CES3: variants seen among roughly 807,000 people sequenced by gnomAD.
The protein encoded by CES3 is carboxylesterase 3 (brain).
Under a neutral mutation model 57.6 loss-of-function variants are expected in CES3, and 49 were observed. The observed-to-expected ratio is 0.85, with a 90% CI of 0.68 to 1.08. CES3 has a LOEUF of 1.08. CES3 is among the 50% of genes least tolerant of loss of function. The pLI is 0.00. For synonymous variants in CES3, 266 were observed against 281.6 expected (o/e 0.94, Z 0.55); for missense variants, 645 against 742.0 (o/e 0.87, Z 1.52).
intron 9 of CES3, among the ~76,000 whole-genome samples, chr16:66,969,996 C>A (rs1043203759): frequency 6.6e-6 from 1 of 152,108 alleles, no homozygotes; most frequent in Non-Finnish European, 1.5e-5. Context: ...TGAAACTGCC[C>A]GTTAATGAGC....
rs1178794987 is a variant in CES3 at position 66,963,357 on chromosome 16, G to A, written c.261G>A (p.Val87=). The A allele has an allele frequency of 6.2e-7, 1 of 1,613,132 alleles. No homozygotes were observed. The highest frequency in any genetic ancestry group is 8.5e-7 in the Non-Finnish European group (1 of 1,180,020). Residue 87 remains valine (V), a synonymous_variant, in exon 2 of 13, where the codon GTG becomes GTA. Coordinates refer to ENST00000303334, the MANE Select transcript of CES3 (RefSeq NM_024922.6). The surrounding 1 kb of genome is among the most constrained non-coding windows in gnomAD (Gnocchi z 4.9). ...APHPAQPWEG[V]RDASTAPPMC... is the part of the protein sequence containing the mutation. Reference sequence around the variant, plus strand: ...ACCCAGCACAGCCCTGGGAGGGTGTGCGGGATGCCAGCACTGCGCCCCCAA... The same window carrying A: ...ACCCAGCACAGCCCTGGGAGGGTGTACGGGATGCCAGCACTGCGCCCCCAA...
rs2145544290 is a variant in CES3, at chr16:66,973,861, C to G, written c.*812C>G. 1 of 152,538 alleles carries G rather than the reference C, an allele frequency of 6.6e-6. No homozygotes were observed. Among genetic ancestry groups the G allele is most frequent in the African/African-American group, 2.4e-5 (1 of 41,566 alleles). 9.4% of individuals were successfully genotyped at this position (152,538 alleles called of 1,614,324 possible). A position where few individuals can be genotyped will look rare whatever the true frequency, so the allele number is the denominator to read the frequency against. ...TGACCCTCACCAATTCCAGCCCTGA[C>G]CCTCAGGACGCTGGATGCCAGCTCC... On this transcript the variant is annotated 3_prime_UTR_variant, in exon 13 of 13. Coordinates refer to ENST00000303334, the MANE Select transcript of CES3 (RefSeq NM_024922.6).
chr16:66,969,782 G>A (rs1963799337), intron 9 of CES3, 23 bp downstream of exon 9: 4 of 1,598,910 alleles, frequency 2.5e-6, no homozygotes, highest in Non-Finnish European at 3.4e-6. Context: ...GCAGGAGGGA[G>A]GAAGCTAGGG....
rs887740932 is a variant in CES3 at position 66,973,430 on chromosome 16, C to T, written c.*381C>T. 5.4e-6 allele frequency: 1 copy of T among 186,568 alleles called. No homozygotes were observed. Among genetic ancestry groups the T allele is most frequent in the Admixed American group, 5.4e-5 (1 of 18,564 alleles). The allele number at this position is 186,568 out of a possible 1,614,324, so 11.6% of individuals were successfully genotyped here. A position where few individuals can be genotyped will look rare whatever the true frequency, so the allele number is the denominator to read the frequency against. On this transcript the variant is annotated 3_prime_UTR_variant, in exon 13 of 13. Coordinates refer to ENST00000303334, the MANE Select transcript of CES3 (RefSeq NM_024922.6). ...GCTAGCACCGTGTCTGTGTCTGTCTCCCCCTCAGAGGAGCTCTCTCAAAAT... is the reference window on the plus strand; with the variant it reads ...GCTAGCACCGTGTCTGTGTCTGTCTTCCCCTCAGAGGAGCTCTCTCAAAAT...
intron 9 of CES3, 74 bp from the exon 10 acceptor site, chr16:66,971,098 A>G: frequency 6.7e-7 from 1 of 1,499,112 alleles, no homozygotes; most frequent in Non-Finnish European, 9.0e-7. Flanking sequence ...TATGCTGGAG[A>G]GTTTGGGGCT....
Position 66,972,652 on chromosome 16 carries a change from C to A in CES3, c.1442-16C>A, listed in dbSNP as rs180957144. Reference sequence around the variant, plus strand: ...CACCTGACTCTCGTTCAGTTCTGTCCCTCTCACCTTTCCAGCCTTTCCAGA... The same window carrying A: ...CACCTGACTCTCGTTCAGTTCTGTCACTCTCACCTTTCCAGCCTTTCCAGA... On this transcript the variant is annotated splice_polypyrimidine_tract_variant and intron_variant, in intron 11 of 12. Coordinates refer to ENST00000303334, the MANE Select transcript of CES3 (RefSeq NM_024922.6). 6,429 of 1,614,184 alleles carry A rather than the reference C, an allele frequency of 4.0e-3. 32 individuals are homozygous for A. Among genetic ancestry groups the A allele is most frequent in the South Asian group, 9.6e-3 (873 of 91,074 alleles).
At position 66,961,433 on chromosome 16, in the gene CES3, G is replaced by A. The variant is rs767261992; in HGVS notation, c.82+44G>A. The A allele has an allele frequency of 4.6e-6, 7 of 1,511,838 alleles. No homozygotes were observed. The East Asian group carries it at 1.6e-4, about 35-fold the overall frequency. 93.7% of individuals were successfully genotyped at this position (1,511,838 alleles called of 1,614,324 possible). On this transcript the variant is annotated intron_variant, in intron 1 of 12. Transcript: ENST00000303334. The stretch of plus-strand genomic sequence containing the variant: ...GCCTGCAGAGGTACTTGGTGTGGAG[G>A]AGTCAAGAGTGAGACAGGGACAGGG...
In CES3 at chr16:66,963,169, C is replaced by T. The variant is rs1384719997; in HGVS notation, c.83-10C>T. On this transcript the variant is annotated splice_polypyrimidine_tract_variant and intron_variant, in intron 1 of 12. Transcript: ENST00000303334. This position sits in a 1 kb window ranked among gnomAD's most constrained non-coding sequence, Gnocchi z 4.9. ...AAACTCACCCCGTGGCCTTTCTGTC[C>T]TTCCCTCAGGGCCCGAAGTTGCTCA... 1.9e-6 allele frequency: 3 copies of T among 1,614,204 alleles called. No homozygotes were observed. Among genetic ancestry groups the T allele is most frequent in the Admixed American group, 1.7e-5 (1 of 60,032 alleles).
intron 1 of CES3, 115 bp downstream of exon 1, chr16:66,961,504 C>A: frequency 1.3e-6 from 1 of 775,194 alleles, no homozygotes; most frequent in Non-Finnish European, 2.2e-6. Context: ...TGGAGGCAGA[C>A]CAGGGGTTGT....
At chr16:66,966,211 A>T (rs1182568260) in intron 6 of CES3, 33 bp from the exon 7 acceptor site, 1 of 1,597,640 alleles carries the variant, frequency 6.3e-7, no homozygotes, top group Admixed American at 1.7e-5. Flanking sequence ...TGAGTGGCTG[A>T]GAGGGAGGCA....
intron 1 of CES3, among the ~76,000 whole-genome samples, chr16:66,962,208 T>G (rs556676078): frequency 2.0e-5 from 3 of 152,272 alleles, no homozygotes; most frequent in African/African-American, 7.2e-5. Context: ...GGCTGGTGGA[T>G]GGCAGCCAGG....
chr16:66,963,077 G>A lies in CES3; in HGVS notation c.83-102G>A, dbSNP rs1481293791. On this transcript the variant is annotated intron_variant, in intron 1 of 12. Coordinates refer to ENST00000303334, the MANE Select transcript of CES3 (RefSeq NM_024922.6). The surrounding 1 kb of genome is among the most constrained non-coding windows in gnomAD (Gnocchi z 4.9). ...GGCTTGCTGGGAAGGTTACCAAGAT[G>A]CTGTGTGGTAAGTACTGAGAACAGC... The A allele has an allele frequency of 4.9e-6, 6 of 1,230,054 alleles. No individual in the cohort carries two copies. The East Asian group carries it at 1.5e-4, about 30-fold the overall frequency. The allele number at this position is 1,230,054 out of a possible 1,614,324, so 76.2% of individuals were successfully genotyped here. A position where few individuals can be genotyped will look rare whatever the true frequency, so the allele number is the denominator to read the frequency against.
rs966967304 is a variant in CES3, at chr16:66,973,291, T to C, written c.*242T>C. 2.1e-6 allele frequency: 1 copy of C among 484,882 alleles called. No individual in the cohort carries two copies. The highest frequency in any genetic ancestry group is 3.7e-6 in the Non-Finnish European group (1 of 268,174). 30.0% of individuals were successfully genotyped at this position (484,882 alleles called of 1,614,324 possible). A position where few individuals can be genotyped will look rare whatever the true frequency, so the allele number is the denominator to read the frequency against. On this transcript the variant is annotated 3_prime_UTR_variant, in exon 13 of 13. Coordinates refer to ENST00000303334, the MANE Select transcript of CES3 (RefSeq NM_024922.6). ...CCTTTCCTGCTTTCTTCGTGGTAGG[T>C]TCTAGCACATTCCTCTAGCTTCCTG...
Position 66,972,410 on chromosome 16 carries a change from C to A in CES3, c.1346C>A (p.Ala449Glu), listed in dbSNP as rs377199306. 19 of 1,613,300 alleles carry A rather than the reference C, an allele frequency of 1.2e-5. No homozygotes were observed. The highest frequency in any genetic ancestry group is 2.7e-5 in the African/African-American group (2 of 74,870). ...YEFQHRPSSF[A>E]KIKPAWVKAD... ...TTCCAGCATCGACCCAGTTCTTTTG[C>A]GAAGATCAAACCTGCCTGGGTGAAG... Residue 449 changes from alanine (A) to glutamate (E), a missense_variant, in exon 11 of 13, where the codon GCG (alanine) becomes GAG (glutamate). By Grantham distance (107) the Ala-to-Glu change is moderately radical. Transcript: ENST00000303334.
intron 4 of CES3, 68 bp from the exon 5 acceptor site, chr16:66,964,289 C>G: frequency 2.5e-6 from 4 of 1,575,358 alleles, no homozygotes; most frequent in Non-Finnish European, 3.4e-6. Context: ...GTGGCTAATT[C>G]AAAGCAAACC....
In CES3 at chr16:66,972,470, G is replaced by C; in HGVS notation, c.1406G>C (p.Gly469Ala). The change falls in exon 11 of 13, where the codon GGA becomes GCA. Residue 469 changes from glycine to alanine, a missense_variant. Physicochemically the swap from Gly to Ala is moderately conservative, Grantham distance 60. Coordinates refer to ENST00000303334, the MANE Select transcript of CES3 (RefSeq NM_024922.6). The stretch of plus-strand genomic sequence containing the variant: ...GGGGCCGAGGGTGCTTTTGTGTTCG[G>C]AGGTCCCTTCCTCATGGACGAGAGC... ...DHGAEGAFVF[G>A]GPFLMDESSR... The C allele has an allele frequency of 6.2e-7, 1 of 1,613,912 alleles. No homozygotes were observed. Among genetic ancestry groups the C allele is most frequent in the Non-Finnish European group, 8.5e-7 (1 of 1,179,944 alleles).
rs901488582 is a variant in CES3, at chr16:66,974,961, A to G, written c.*1912A>G. ...TAGCTCAGGGATCGTAAACGCACCAATCAGCACCCTGTCAAAACAGACCAC... is the reference window on the plus strand; with the variant it reads ...TAGCTCAGGGATCGTAAACGCACCAGTCAGCACCCTGTCAAAACAGACCAC... On this transcript the variant is annotated 3_prime_UTR_variant, in exon 13 of 13. Transcript: ENST00000303334. 9.2e-5 allele frequency: 14 copies of G among 152,206 alleles called. No individual in the cohort carries two copies. The highest frequency in any genetic ancestry group is 1.8e-4 in the Non-Finnish European group (12 of 68,072). The allele number at this position is 152,206 out of a possible 1,614,324, so 9.4% of individuals were successfully genotyped here. A position where few individuals can be genotyped will look rare whatever the true frequency, so the allele number is the denominator to read the frequency against.
At position 66,964,730 on chromosome 16, in the gene CES3, C is replaced by T. The variant is rs1344523009; in HGVS notation, c.819+3C>T. ...CTCACCCTTGGCCCCTAGCTCAGGT[C>T]TGTATTTCCTTCCCTCTCTTACTCT... On this transcript the variant is annotated splice_donor_region_variant and intron_variant, in intron 6 of 12. Coordinates refer to ENST00000303334, the MANE Select transcript of CES3 (RefSeq NM_024922.6). 3 of 1,611,640 alleles carry T rather than the reference C, an allele frequency of 1.9e-6. No homozygotes were observed. In the African/African-American group the frequency reaches 4.0e-5, roughly 22 times the overall value.
At chr16:66,964,224 A>C in intron 4 of CES3, 133 bp from the exon 5 acceptor site, 1 of 1,281,332 alleles carries the variant, frequency 7.8e-7, no homozygotes. Context: ...GGAGATGCCA[A>C]CCACGGCTCC....
Sources: gnomAD v4.1 joint callset for allele counts (sites outside exome capture counted in the v4.1 genomes callset) on GRCh38, gnomAD v4.1.1 for gene constraint, Gnocchi (gnomAD v3.1) non-coding constraint, MANE v1.5 for transcripts, NCBI Gene and HGNC (gene_info 2026-07-23, HGNC 2026-07-21) for gene names.